Variants in CNBD2 observed in about 807,000 individuals in gnomAD.
The protein encoded by CNBD2 is cyclic nucleotide-binding domain-containing protein 2.
Under a neutral mutation model 63.7 loss-of-function variants are expected in CNBD2, and 64 were observed. That is an observed-to-expected ratio of 1.00 (90% CI 0.82 to 1.24). The LOEUF is 1.24. Ranked by LOEUF, CNBD2 falls within the 50% of genes most tolerant of loss-of-function variation. The pLI, the probability that CNBD2 is intolerant of heterozygous loss-of-function variation, is 0.00. For synonymous variants in CNBD2, 229 were observed against 255.4 expected (o/e 0.90, Z 0.99); for missense variants, 691 against 713.5 (o/e 0.97, Z 0.36).
chr20:35,974,652 G>A (rs986111348), intron 2 of CNBD2: 1 of 152,438 alleles, frequency 6.6e-6, no homozygotes, highest in Non-Finnish European at 1.5e-5. Context: ...TCCTTCAGTA[G>A]TCTCCCTGAG....
chr20:35,954,738 CCGCTTCGGTTTGCAGGTG>C, exon 1 of CNBD2: 1 of 805,602 alleles, frequency 1.2e-6, no homozygotes, highest in South Asian at 1.8e-5. Context: ...TATCCGTGCG[CCGCTTCGGTTTGCAGGTG>C]ACCTTTGCGT....
chr20:36,001,444 G>A (rs1314554470), intron 8 of CNBD2, among the ~76,000 whole-genome samples: 2 of 151,058 alleles, frequency 1.3e-5, no homozygotes, highest in African/African-American at 4.9e-5. Context: ...GGGGCGGCCG[G>A]GCAGAGGCGC....
chr20:35,993,434 C>T (rs1055720712), intron 7 of CNBD2, among the ~76,000 whole-genome samples: 2 of 152,140 alleles, frequency 1.3e-5, no homozygotes, highest in African/African-American at 2.4e-5. Context: ...TTTTGCTCAA[C>T]TGAATATTTG....
At chr20:35,997,101 TTTTA>T (rs1433487499) in intron 8 of CNBD2, among the ~76,000 whole-genome samples, 1 of 152,142 alleles carries the variant, frequency 6.6e-6, no homozygotes, top group Non-Finnish European at 1.5e-5. Context: ...GTAATGGCAT[TTTTA>T]TTTATTTTTT....
chr20:35,966,877 T>G (rs181133633), upstream of CNBD2, among the ~76,000 whole-genome samples: 178 of 152,342 alleles, frequency 1.2e-3, no homozygotes, highest in African/African-American at 4.1e-3. Flanking sequence ...CTTTTGTGTT[T>G]TTCTTCTGTT....
downstream of CNBD2, among the ~76,000 whole-genome samples, chr20:35,959,223 C>T (rs1203718602): frequency 6.6e-5 from 10 of 152,074 alleles, 1 homozygote; most frequent in South Asian, 1.0e-3. Context: ...ATATATACTT[C>T]GTCATTTTTT....
At chr20:35,981,206 G>A (rs1050054217) in intron 4 of CNBD2, among the ~76,000 whole-genome samples, 6 of 152,090 alleles carry the variant, frequency 3.9e-5, no homozygotes, top group African/African-American at 9.7e-5. Context: ...GTGGCTTGCC[G>A]TGACTTTCAG....
upstream of CNBD2, among the ~76,000 whole-genome samples, chr20:35,965,305 G>A (rs767208967): frequency 1.6e-4 from 24 of 151,468 alleles, no homozygotes; most frequent in Non-Finnish European, 3.1e-4. Context: ...AGCCTCCCGA[G>A]TAGCTGGGAT....
At chr20:35,968,283 A>G (rs2056364421), upstream of CNBD2, among the ~76,000 whole-genome samples, 2 of 152,160 alleles carry the variant, frequency 1.3e-5, no homozygotes, top group South Asian at 4.1e-4. Flanking sequence ...GTACACTGTC[A>G]TGGCACTGGT....
At chr20:36,009,302 C>T (rs111260199) in intron 9 of CNBD2, among the ~76,000 whole-genome samples, 1,805 of 151,682 alleles carry the variant, frequency 0.012, 27 homozygotes, top group African/African-American at 0.041. Context: ...CCCGGGTTCA[C>T]GCCATTTTCC....
chr20:35,966,870 T>C (rs1021309081), upstream of CNBD2, among the ~76,000 whole-genome samples: 5 of 152,218 alleles, frequency 3.3e-5, no homozygotes, highest in African/African-American at 9.6e-5. Flanking sequence ...TCTTTCTCTT[T>C]TGTGTTTTTC....
chr20:35,993,078 G>A (rs763226028), intron 7 of CNBD2, among the ~76,000 whole-genome samples: 3 of 151,780 alleles, frequency 2.0e-5, no homozygotes, highest in Non-Finnish European at 4.4e-5. Context: ...TGCAATTAAA[G>A]ACCTACTAAA....
At chr20:36,013,532 A>G (rs2057091852) in intron 10 of CNBD2, among the ~76,000 whole-genome samples, 1 of 152,228 alleles carries the variant, frequency 6.6e-6, no homozygotes. Flanking sequence ...TCTGTGAAGG[A>G]GTTGGGGGGA....
Position 36,030,585 on chromosome 20 carries a change from C to A in CNBD2, c.1668C>A (p.Pro556=), listed in dbSNP as rs988087601. 6.2e-7 allele frequency: 1 copy of A among 1,614,130 alleles called. No homozygotes were observed. The highest frequency in any genetic ancestry group is 1.3e-5 in the African/African-American group (1 of 75,010). Residue 556 remains proline (P), a synonymous_variant, in exon 12 of 12, where the codon CCC becomes CCA. Coordinates refer to ENST00000373973, the MANE Select transcript of CNBD2 (RefSeq NM_001365709.1). ...PIFMAPQKYL[P]PLRIVQAIKA... is the part of the protein sequence containing the mutation. Reference sequence around the variant, plus strand: ...TTATGGCACCCCAGAAATACCTCCCCCCATTGAGGATTGTCCAAGCCATCA... The same window carrying A: ...TTATGGCACCCCAGAAATACCTCCCACCATTGAGGATTGTCCAAGCCATCA...
chr20:36,003,749 C>T (rs1436681518), intron 8 of CNBD2, among the ~76,000 whole-genome samples: 2 of 152,022 alleles, frequency 1.3e-5, no homozygotes, highest in African/African-American at 4.8e-5. Flanking sequence ...AATTTGGGCA[C>T]AGCTTAGTTT....
chr20:35,957,002 G>C (rs752761051), downstream of CNBD2, among the ~76,000 whole-genome samples: 4 of 152,146 alleles, frequency 2.6e-5, no homozygotes, highest in Non-Finnish European at 5.9e-5. Context: ...AGAATTCCAT[G>C]TTTAAAATTT....
chr20:35,983,292 T>A (rs1303653247), intron 4 of CNBD2, among the ~76,000 whole-genome samples: 3 of 152,014 alleles, frequency 2.0e-5, no homozygotes, highest in Non-Finnish European at 4.4e-5. Flanking sequence ...CAGACACCAC[T>A]GATATTTATT....
At chr20:35,972,602 T>C in intron 1 of CNBD2, 27 bp from the exon 2 acceptor site, 2 of 1,612,438 alleles carry the variant, frequency 1.2e-6, no homozygotes, top group African/African-American at 1.3e-5. Context: ...ATGGTTTCTA[T>C]TGATCTTGTT....
intron 3 of CNBD2, among the ~76,000 whole-genome samples, chr20:35,977,983 C>T (rs1476796594): frequency 6.6e-6 from 1 of 152,142 alleles, no homozygotes; most frequent in Non-Finnish European, 1.5e-5. Context: ...CCATATTGGG[C>T]TTCTAATAAC....
Sources: allele counts gnomAD v4.1 joint callset (sites outside exome capture counted in the v4.1 genomes callset), GRCh38; gene constraint gnomAD v4.1.1; transcripts MANE v1.5; gene names NCBI Gene and HGNC (gene_info 2026-07-23, HGNC 2026-07-21).